The following HLX variants were observed in gnomAD, a reference collection of about 807,000 sequenced individuals.
HLX encodes H2.0-like homeobox protein.
A neutral mutation model predicts 27.7 loss-of-function variants in HLX; 6 were observed. The observed-to-expected ratio is 0.22, with a 90% confidence interval of 0.12 to 0.43. The LOEUF (loss-of-function observed/expected upper bound fraction) is 0.43. Among genes scored for constraint, HLX ranks in the 20% least tolerant of loss-of-function variants. The probability of loss-of-function intolerance (pLI) is 1.00; values close to 1 mark genes in which losing one functional copy is unlikely to be tolerated. For missense variants in HLX, 666 were observed against 655.2 expected (o/e 1.02, Z -0.18); for synonymous variants, 328 against 293.8 (o/e 1.12, Z -1.19).
chr1:220,879,877 C>A lies in HLX; in HGVS notation c.20C>A (p.Ala7Asp), dbSNP rs377648480. ...GGCAGGATGTTCGCAGCCGGGCTGGCTCCCTTCTACGCCTCCAACTTCAGC... is the reference window on the plus strand; with the variant it reads ...GGCAGGATGTTCGCAGCCGGGCTGGATCCCTTCTACGCCTCCAACTTCAGC... The part of the protein sequence containing the change: MFAAGL[A>D]PFYASNFSLW... The change falls in exon 1 of 4, where the codon GCT becomes GAT. Residue 7 changes from alanine to aspartate, a missense_variant. By Grantham distance (126) the Ala-to-Asp change is moderately radical (BLOSUM62 -2). Transcript: ENST00000366903. 10 of 1,586,648 alleles carry A rather than the reference C, an allele frequency of 6.3e-6. No homozygotes were observed. Among genetic ancestry groups the A allele is most frequent in the Non-Finnish European group, 8.5e-6 (10 of 1,173,326 alleles).
intron 3 of HLX, chr1:220,883,344 C>A (rs902492732): frequency 6.6e-6 from 1 of 152,612 alleles, no homozygotes; most frequent in Non-Finnish European, 1.4e-5. Context: ...AGGAGCCCAG[C>A]CGTTTTCCAC....
chr1:220,880,541 A>G, intron 1 of HLX, 92 bp downstream of exon 1: 1 of 1,349,224 alleles, frequency 7.4e-7, no homozygotes, highest in African/African-American at 1.4e-5. Flanking sequence ...TGTTTTTACA[A>G]TTAAGGACAA....
chr1:220,881,767 C>CAT (rs1289986502), intron 2 of HLX: 5 of 37,390 alleles, frequency 1.3e-4, no homozygotes, highest in African/African-American at 6.6e-4. Context: ...GGAATAAACA[C>CAT]ACACACACAC....
At chr1:220,882,797 T>C in intron 3 of HLX, 2 of 186,648 alleles carry the variant, frequency 1.1e-5, no homozygotes, top group South Asian at 1.9e-4. Flanking sequence ...TTCTGCTGGA[T>C]TGTGAAATCC....
At chr1:220,880,689 A>G (rs1337876497) in intron 1 of HLX, 2 of 590,766 alleles carry the variant, frequency 3.4e-6, no homozygotes, top group African/African-American at 1.9e-5. Context: ...ATCAATATTT[A>G]TAAAAGTGGT....
At chr1:220,881,565 G>C in intron 2 of HLX, 192 bp downstream of exon 2, 1 of 644,284 alleles carries the variant, frequency 1.6e-6, no homozygotes, top group Non-Finnish European at 2.7e-6. Flanking sequence ...CCCTTGAAAA[G>C]GGGTAGAGGC....
chr1:220,879,608 G>A lies in HLX; in HGVS notation c.-250G>A, dbSNP rs578083397. 3.6e-4 allele frequency: 202 copies of A among 554,744 alleles called. 1 individual carries two copies. The African/African-American group carries it at 3.8e-3, about 10-fold the overall frequency. The allele number at this position is 554,744 out of a possible 1,614,324, so 34.4% of individuals were successfully genotyped here. ...CCCCTCGCTCTCATCCAGCCCGCGA[G>A]GAGTGCGGGCGCCGCGCCGCCTTTA... On this transcript the variant is annotated 5_prime_UTR_variant, in exon 1 of 4. Transcript: ENST00000366903.
rs370298817 is a variant in HLX, at chr1:220,880,200, C to T, written c.343C>T (p.Leu115Phe). The stretch of plus-strand genomic sequence containing the variant: ...TGGCTTCCCGCAGCGGCTGTCTCCG[C>T]TCTCAGCCGCCTACCACCACCATCA... ...PAGFPQRLSP[L>F]SAAYHHHHPQ... The change falls in exon 1 of 4, where the codon CTC becomes TTC. Residue 115 changes from leucine to phenylalanine, a missense_variant. By Grantham distance (22) the Leu-to-Phe change is conservative (BLOSUM62 0). Coordinates refer to ENST00000366903, the MANE Select transcript of HLX (RefSeq NM_021958.4). 3.7e-6 allele frequency: 6 copies of T among 1,612,162 alleles called. No individual in the cohort carries two copies. The highest frequency in any genetic ancestry group is 5.1e-6 in the Non-Finnish European group (6 of 1,178,934).
chr1:220,884,019 C>G lies in HLX; in HGVS notation c.958-176C>G. 1.5e-6 allele frequency: 1 copy of G among 661,844 alleles called. No homozygotes were observed. The highest frequency in any genetic ancestry group is 1.8e-5 in the South Asian group (1 of 54,954). The allele number at this position is 661,844 out of a possible 1,614,324, so 41.0% of individuals were successfully genotyped here. ...AGGATTCCTGGCTTCTTGTGTTCCC[C>G]TGGGCTGCCCCTTGGCTCCTGCGCC... On this transcript the variant is annotated intron_variant, in intron 3 of 3. Coordinates refer to ENST00000366903, the MANE Select transcript of HLX (RefSeq NM_021958.4). This position sits in a 1 kb window ranked among gnomAD's most constrained non-coding sequence, Gnocchi z 4.9.
intron 3 of HLX, chr1:220,883,853 A>T (rs1263654139): frequency 6.4e-6 from 2 of 313,836 alleles, no homozygotes; most frequent in Non-Finnish European, 6.0e-6. Context: ...GGCATAAAAA[A>T]ATTACATGGA....
chr1:220,881,185 T>A lies in HLX; in HGVS notation c.593-9T>A, dbSNP rs772207440. The A allele has an allele frequency of 6.2e-7, 1 of 1,612,926 alleles. No homozygotes were observed. Among genetic ancestry groups the A allele is most frequent in the Non-Finnish European group, 8.5e-7 (1 of 1,178,984 alleles). ...GATGTAACCTGCTATCCTTTTCCCTTGTCCCCAGATCTCACTTCCCTGCTA... is the reference window on the plus strand; with the variant it reads ...GATGTAACCTGCTATCCTTTTCCCTAGTCCCCAGATCTCACTTCCCTGCTA... On this transcript the variant is annotated splice_polypyrimidine_tract_variant and intron_variant, in intron 1 of 3. Transcript: ENST00000366903.
Position 220,879,881 on chromosome 1 carries a change from C to A in HLX, c.24C>A (p.Pro8=). 1 of 1,588,334 alleles carries A rather than the reference C, an allele frequency of 6.3e-7. No individual in the cohort carries two copies. Among genetic ancestry groups the A allele is most frequent in the Non-Finnish European group, 8.5e-7 (1 of 1,174,006 alleles). The change falls in exon 1 of 4, where the codon CCC becomes CCA. Residue 8 remains proline (P), a synonymous_variant. Transcript: ENST00000366903. MFAAGLA[P]FYASNFSLWS... ...GGATGTTCGCAGCCGGGCTGGCTCC[C>A]TTCTACGCCTCCAACTTCAGCCTCT...
At position 220,880,105 on chromosome 1, in the gene HLX, C is replaced by T. The variant is rs1674390588; in HGVS notation, c.248C>T (p.Ala83Val). 1 of 1,600,556 alleles carries T rather than the reference C, an allele frequency of 6.2e-7. No homozygotes were observed. The highest frequency in any genetic ancestry group is 1.3e-5 in the African/African-American group (1 of 74,862). Reference sequence around the variant, plus strand: ...CACTTGGGCTCGGTTCACCCGCACGCCTCTTTCCAAGCGGCGGCCAGATCC... The same window carrying T: ...CACTTGGGCTCGGTTCACCCGCACGTCTCTTTCCAAGCGGCGGCCAGATCC... ...TAHLGSVHPH[A>V]SFQAAARSPL... The change falls in exon 1 of 4, where the codon GCC becomes GTC. Residue 83 changes from alanine to valine, a missense_variant. Ala to Val is a moderately conservative substitution (Grantham distance 64). Transcript: ENST00000366903.
rs1404403228 is a variant in HLX at position 220,882,328 on chromosome 1, C to T, written c.937C>T (p.Leu313=). 1.2e-6 allele frequency: 2 copies of T among 1,614,220 alleles called. No individual in the cohort carries two copies. Among genetic ancestry groups the T allele is most frequent in the Admixed American group, 3.3e-5 (2 of 60,038 alleles). ...GGACCGAAAGCAGCTGGCGGCGATG[C>T]TGGGCCTCACGGACGCACAGGTAAG... ...KPDRKQLAAM[L]GLTDAQVKVW... Residue 313 remains leucine (L), a synonymous_variant, in exon 3 of 4, where the codon CTG becomes TTG. Transcript: ENST00000366903.
In HLX at chr1:220,881,373, G is replaced by C; in HGVS notation, c.772G>C (p.Gly258Arg). ...VQHQFQDTFP[G>R]PYAVLTKDTM... is the part of the protein sequence containing the mutation. ...GCATCAGTTCCAAGACACGTTTCCA[G>C]GTACGGAAAAACTCCAGAGTACTGC... Residue 258 changes from glycine (G) to arginine (R), a missense_variant and splice_region_variant, in exon 2 of 4, where the codon GGT becomes CGT. Physicochemically the swap from Gly to Arg is moderately radical, Grantham distance 125. Coordinates refer to ENST00000366903, the MANE Select transcript of HLX (RefSeq NM_021958.4). The C allele has an allele frequency of 6.2e-7, 1 of 1,613,564 alleles. No individual in the cohort carries two copies. The highest frequency in any genetic ancestry group is 8.5e-7 in the Non-Finnish European group (1 of 1,179,432).
chr1:220,880,294 C>A lies in HLX; in HGVS notation c.437C>A (p.Ala146Asp). The change falls in exon 1 of 4, where the codon GCC becomes GAC. Residue 146 changes from alanine to aspartate, a missense_variant. Coordinates refer to ENST00000366903, the MANE Select transcript of HLX (RefSeq NM_021958.4). ...QQPPPPPRAG[A>D]LQPPASGTRV... Reference sequence around the variant, plus strand: ...CCTCCGCCTCCGCCCCGGGCTGGCGCCCTGCAGCCCCCGGCCTCGGGGACG... The same window carrying A: ...CCTCCGCCTCCGCCCCGGGCTGGCGACCTGCAGCCCCCGGCCTCGGGGACG... 1 of 1,613,186 alleles carries A rather than the reference C, an allele frequency of 6.2e-7. No homozygotes were observed. The highest frequency in any genetic ancestry group is 8.5e-7 in the Non-Finnish European group (1 of 1,179,472).
In HLX at chr1:220,884,166, T is replaced by G. The variant is rs1674516930; in HGVS notation, c.958-29T>G. ...AACCTGGGTCTCATCTCGGTGTCTC[T>G]TCTTGTCTCCCGGTGTGGCGCGGCG... On this transcript the variant is annotated intron_variant, in intron 3 of 3. Transcript: ENST00000366903. The surrounding 1 kb of genome is among the most constrained non-coding windows in gnomAD (Gnocchi z 4.9). 7 of 1,612,768 alleles carry G rather than the reference T, an allele frequency of 4.3e-6. No individual in the cohort carries two copies. Among genetic ancestry groups the G allele is most frequent in the African/African-American group, 1.3e-5 (1 of 74,822 alleles).
In HLX at chr1:220,879,905, C is replaced by T. The variant is rs1333453979; in HGVS notation, c.48C>T (p.Leu16=). 3.1e-6 allele frequency: 5 copies of T among 1,594,786 alleles called. No individual in the cohort carries two copies. Among genetic ancestry groups the T allele is most frequent in the Middle Eastern group, 1.8e-4 (1 of 5,612 alleles). Residue 16 remains leucine (L), a synonymous_variant, in exon 1 of 4, where the codon CTC becomes CTT. Transcript: ENST00000366903. The part of the protein sequence containing the change: ...LAPFYASNFS[L]WSAAYCSSAG... ...CCTTCTACGCCTCCAACTTCAGCCT[C>T]TGGTCGGCCGCTTACTGCTCCTCGG...
rs548998468 is a variant in HLX at position 220,879,788 on chromosome 1, C to A, written c.-70C>A. On this transcript the variant is annotated 5_prime_UTR_variant, in exon 1 of 4. Coordinates refer to ENST00000366903, the MANE Select transcript of HLX (RefSeq NM_021958.4). ...GCCGCCGCCTTCTCCGGGACTCGCG[C>A]GCCCCTCCCCGCGCGCCCACCCACC... 20 of 1,472,982 alleles carry A rather than the reference C, an allele frequency of 1.4e-5. No homozygotes were observed. In the African/African-American group the frequency reaches 2.8e-4, roughly 20 times the overall value. The allele number at this position is 1,472,982 out of a possible 1,614,324, so 91.2% of individuals were successfully genotyped here.
Sources: gnomAD v4.1 joint callset for allele counts on GRCh38, gnomAD v4.1.1 for gene constraint, Gnocchi (gnomAD v3.1) non-coding constraint, MANE v1.5 for transcripts, NCBI Gene and HGNC (gene_info 2026-07-23, HGNC 2026-07-21) for gene names.